LOC128031837: variants seen among roughly 807,000 people sequenced by gnomAD.
At chr7:112,450,617 C>A in the LOC128031837 span, 5 of 1,218,502 alleles carry the variant, frequency 4.1e-6, no homozygotes, top group Admixed American at 8.5e-5. Context: ...CACAGACGCA[C>A]GAGTAAAAAG....
At chr7:112,450,573 G>A in the LOC128031837 span, 1 of 788,018 alleles carries the variant, frequency 1.3e-6, no homozygotes. Context: ...CGACTCTGTT[G>A]TTAGCCGAAG....
chr7:112,450,598 C>T, the LOC128031837 span: 1 of 1,036,920 alleles, frequency 9.6e-7, no homozygotes, highest in Non-Finnish European at 1.5e-6. Flanking sequence ...GCCTCTCAGC[C>T]GCCCGCCGCA....
chr7:112,450,614 G>T, the LOC128031837 span: 11 of 1,185,880 alleles, frequency 9.3e-6, no homozygotes, highest in East Asian at 2.1e-4. Flanking sequence ...CCGCACAGAC[G>T]CACGAGTAAA....
chr7:112,450,564 G>T, the LOC128031837 span: 1 of 741,240 alleles, frequency 1.3e-6, no homozygotes, highest in Non-Finnish European at 2.4e-6. Context: ...GCCGCTTCTC[G>T]ACTCTGTTGT....
At chr7:112,450,569 T>A in the LOC128031837 span, 1 of 762,228 alleles carries the variant, frequency 1.3e-6, no homozygotes, top group Non-Finnish European at 2.3e-6. Context: ...TTCTCGACTC[T>A]GTTGTTAGCC....
the LOC128031837 span, chr7:112,450,570 G>A: frequency 1.3e-6 from 1 of 775,188 alleles, no homozygotes; most frequent in Admixed American, 2.0e-5. Flanking sequence ...TCTCGACTCT[G>A]TTGTTAGCCG....
the LOC128031837 span, chr7:112,450,620 G>C: frequency 7.8e-7 from 1 of 1,276,566 alleles, no homozygotes; most frequent in Non-Finnish European, 1.1e-6. Context: ...AGACGCACGA[G>C]TAAAAAGTGC....
At chr7:112,450,518 G>A in the LOC128031837 span, 1 of 651,280 alleles carries the variant, frequency 1.5e-6, no homozygotes, top group Non-Finnish European at 2.8e-6. Context: ...CTCTTCACGG[G>A]GATTTCTGCT....
At chr7:112,450,531 C>T in the LOC128031837 span, 3 of 660,328 alleles carry the variant, frequency 4.5e-6, no homozygotes, top group African/African-American at 3.6e-5. Context: ...TTTCTGCTGC[C>T]GCCACCGCCC....
chr7:112,450,501 A>G, the LOC128031837 span: 1 of 631,406 alleles, frequency 1.6e-6, no homozygotes. Context: ...ATCGTTTTCG[A>G]TCACAGCTCT....
chr7:112,450,617 C>T, the LOC128031837 span: 1 of 1,218,502 alleles, frequency 8.2e-7, no homozygotes, highest in East Asian at 2.3e-5. Context: ...CACAGACGCA[C>T]GAGTAAAAAG....
At chr7:112,450,540 C>T in the LOC128031837 span, 2 of 673,734 alleles carry the variant, frequency 3.0e-6, no homozygotes, top group Non-Finnish European at 5.5e-6. Context: ...CCGCCACCGC[C>T]CACTCTTACC....
chr7:112,450,640 G>A, the LOC128031837 span: 2 of 1,469,454 alleles, frequency 1.4e-6, no homozygotes, highest in Non-Finnish European at 1.9e-6. Flanking sequence ...CAGCTCCATC[G>A]GCTGATCCTC....
chr7:112,450,588 G>A, the LOC128031837 span: 1 of 903,230 alleles, frequency 1.1e-6, no homozygotes, highest in Non-Finnish European at 1.8e-6. Context: ...CCGAAGACTC[G>A]CCTCTCAGCC....
chr7:112,450,517 G>A, the LOC128031837 span: 1 of 650,534 alleles, frequency 1.5e-6, no homozygotes, highest in African/African-American at 1.8e-5. Context: ...GCTCTTCACG[G>A]GGATTTCTGC....
chr7:112,450,583 G>A, the LOC128031837 span: 2 of 845,096 alleles, frequency 2.4e-6, no homozygotes, highest in South Asian at 1.4e-5. Context: ...GTTAGCCGAA[G>A]ACTCGCCTCT....
chr7:112,450,526 G>A, the LOC128031837 span: 2 of 657,118 alleles, frequency 3.0e-6, no homozygotes, highest in East Asian at 5.5e-5. Context: ...GGGGATTTCT[G>A]CTGCCGCCAC....
At chr7:112,450,491 A>G in the LOC128031837 span, 106 of 618,400 alleles carry the variant, frequency 1.7e-4, no homozygotes, top group African/African-American at 3.5e-4. Context: ...AGAAACATGT[A>G]TCGTTTTCGA....
At chr7:112,450,514 A>G in the LOC128031837 span, 2 of 648,768 alleles carry the variant, frequency 3.1e-6, no homozygotes, top group South Asian at 3.4e-5. Flanking sequence ...ACAGCTCTTC[A>G]CGGGGATTTC....
Sources: allele counts gnomAD v4.1 joint callset, GRCh38; gene constraint gnomAD v4.1.1; transcripts MANE v1.5.